The following TRPA1 variants were observed in gnomAD, a reference collection of about 807,000 sequenced individuals.
TRPA1 encodes ankyrin-like with transmembrane domains 1.
A neutral mutation model predicts 131.3 loss-of-function variants in TRPA1; 129 were observed. That is an observed-to-expected ratio of 0.98 (90% CI 0.85 to 1.14). The LOEUF (loss-of-function observed/expected upper bound fraction) is 1.14, where lower values mean the gene tolerates loss of function less well. TRPA1 is among the 50% of genes most tolerant of loss of function. The pLI is 0.00. For missense variants in TRPA1, 1,304 were observed against 1,354.2 expected, an observed-to-expected ratio of 0.96 and a Z score of 0.58; for synonymous variants, 441 against 451.7, an observed-to-expected ratio of 0.98 and a Z score of 0.30.
intron 17 of TRPA1, 127 bp from the exon 18 acceptor site, chr8:72,039,924 T>C (rs1812194053): frequency 4.5e-6 from 3 of 671,968 alleles, no homozygotes; most frequent in South Asian, 1.7e-5. Flanking sequence ...TTTTAGAACA[T>C]TGAAAAAAAT....
Position 72,052,537 on chromosome 8 carries a change from A to G in TRPA1, c.1811+62T>C, listed in dbSNP as rs766874985. The G allele has an allele frequency of 3.5e-5, 56 of 1,598,078 alleles. No homozygotes were observed. In the Admixed American group the frequency reaches 4.5e-4, roughly 13 times the overall value. ...CATTTCTTTTCTCTTATTTTGTCTC[A>G]GACTTCAAATCATCCCAACACCAGA... On this transcript the variant is annotated intron_variant, in intron 14 of 26. Coordinates refer to ENST00000262209, the MANE Select transcript of TRPA1 (RefSeq NM_007332.3).
chr8:72,056,158 C>A, intron 10 of TRPA1: 1 of 401,922 alleles, frequency 2.5e-6, no homozygotes, highest in Non-Finnish European at 4.6e-6. Flanking sequence ...TATATTTGAT[C>A]ATGGCCCTTC....
At position 72,036,405 on chromosome 8, in the gene TRPA1, G is replaced by C; in HGVS notation, c.2438C>G (p.Thr813Arg). 6.2e-7 allele frequency: 1 copy of C among 1,614,106 alleles called. No individual in the cohort carries two copies. Among genetic ancestry groups the C allele is most frequent in the Non-Finnish European group, 8.5e-7 (1 of 1,179,984 alleles). ...ISNVLEWIIY[T>R]TGIIFVLPLF... ...GGGCAGCACAAAAATGATGCCCGTC[G>C]TGTAGATAATCCATTCAAGAACATT... Residue 813 changes from threonine (T) to arginine (R), a missense_variant, in exon 21 of 27, where the codon ACG (threonine) becomes AGG (arginine). Coordinates refer to ENST00000262209, the MANE Select transcript of TRPA1 (RefSeq NM_007332.3).
chr8:72,029,714 C>T (rs978838564), intron 24 of TRPA1, 187 bp downstream of exon 24: 21 of 682,236 alleles, frequency 3.1e-5, no homozygotes, highest in Admixed American at 3.0e-4. Context: ...GCAGTGGCAG[C>T]GAGGAACAGA....
chr8:72,050,337 C>G (rs1331573012), intron 15 of TRPA1, among the ~76,000 whole-genome samples: 3 of 152,000 alleles, frequency 2.0e-5, no homozygotes, highest in Admixed American at 2.0e-4. Flanking sequence ...GAAGGCAGGC[C>G]CAGGTACAAG....
chr8:72,065,609 G>T (rs368397700), intron 3 of TRPA1, 51 bp from the exon 4 acceptor site: 44 of 1,359,654 alleles, frequency 3.2e-5, no homozygotes, highest in Non-Finnish European at 4.5e-5. Flanking sequence ...TTCCAAATAA[G>T]GTACTTGCCT....
At chr8:72,052,370 A>G (rs1805530208) in intron 14 of TRPA1, among the ~76,000 whole-genome samples, 2 of 152,194 alleles carry the variant, frequency 1.3e-5, no homozygotes, top group Admixed American at 6.6e-5. Flanking sequence ...TGCAGTGAAC[A>G]GAGATCACAC....
Position 72,071,858 on chromosome 8 carries a change from CA to C in TRPA1, c.120del (p.Phe40LeufsTer17). 6.2e-7 allele frequency: 1 copy of C among 1,611,616 alleles called. No individual in the cohort carries two copies. Reference protein sequence around the residue: ...EDFKESLKVVFEGSAYGLQNF... With the variant: ...EDFKESLKVVXEGSAYGLQNF... ...TTTTGTAATCCATATGCACTTCCTT[CA>C]AAAACCACCTAGAGGTATTTAAACA... On this transcript the variant is annotated frameshift_variant, in exon 2 of 27. Transcript: ENST00000262209. LOFTEE classifies it high-confidence loss of function.
At chr8:72,083,057 C>G in the TRPA1 span, among the ~76,000 whole-genome samples, 1 of 151,684 alleles carries the variant, frequency 6.6e-6, no homozygotes, top group East Asian at 1.9e-4. Flanking sequence ...TCATTGTTTC[C>G]AAATCTGCTA....
upstream of TRPA1, chr8:72,075,750 C>A (rs1806167079): frequency 1.8e-5 from 7 of 394,692 alleles, no homozygotes; most frequent in Admixed American, 1.8e-4. Flanking sequence ...TGTCCTGCAG[C>A]TGCAGCAGCG....
At chr8:72,037,236 A>T (rs1049842994) in intron 20 of TRPA1, among the ~76,000 whole-genome samples, 3 of 152,172 alleles carry the variant, frequency 2.0e-5, no homozygotes, top group Admixed American at 1.3e-4. Context: ...TATAAATGCA[A>T]ATATCTATGT....
At chr8:72,084,048 G>A in the TRPA1 span, among the ~76,000 whole-genome samples, 1 of 152,036 alleles carries the variant, frequency 6.6e-6, no homozygotes, top group Non-Finnish European at 1.5e-5. Flanking sequence ...ATAGATGAAC[G>A]TATCTGCTTC....
At chr8:72,027,860 G>T (rs1811661415) in intron 24 of TRPA1, among the ~76,000 whole-genome samples, 1 of 152,130 alleles carries the variant, frequency 6.6e-6, no homozygotes, top group Non-Finnish European at 1.5e-5. Flanking sequence ...GAAAATATGG[G>T]GGGTACTAGG....
At chr8:72,070,182 G>C (rs1806026404) in intron 2 of TRPA1, among the ~76,000 whole-genome samples, 1 of 152,162 alleles carries the variant, frequency 6.6e-6, no homozygotes, top group East Asian at 1.9e-4. Flanking sequence ...AGGAGAAAAA[G>C]TATTTGCTCA....
chr8:72,075,526 G>A lies in TRPA1; in HGVS notation c.-117C>T, dbSNP rs1006909685. The A allele has an allele frequency of 1.2e-6, 1 of 839,320 alleles. No individual in the cohort carries two copies. Among genetic ancestry groups the A allele is most frequent in the Non-Finnish European group, 2.0e-6 (1 of 500,852 alleles). The allele number at this position is 839,320 out of a possible 1,614,324, so 52.0% of individuals were successfully genotyped here. On this transcript the variant is annotated 5_prime_UTR_variant, in exon 1 of 27. Transcript: ENST00000262209. Reference sequence around the variant, plus strand: ...GGTCCGCGCGAGCCCGAGCTCTCCCGCGCTGCAGCTCACAGGCAGCGAAAA... The same window carrying A: ...GGTCCGCGCGAGCCCGAGCTCTCCCACGCTGCAGCTCACAGGCAGCGAAAA...
At chr8:72,035,071 T>C (rs1165184828) in intron 21 of TRPA1, among the ~76,000 whole-genome samples, 3 of 152,196 alleles carry the variant, frequency 2.0e-5, no homozygotes, top group Non-Finnish European at 2.9e-5. Flanking sequence ...CCTCACCATC[T>C]CCTTCGGTTT....
At chr8:72,024,229 T>C (rs1811501713) in intron 25 of TRPA1, among the ~76,000 whole-genome samples, 1 of 152,242 alleles carries the variant, frequency 6.6e-6, no homozygotes, top group African/African-American at 2.4e-5. Flanking sequence ...CGGAAGGTGG[T>C]ATTCTATACG....
rs575755866 is a variant in TRPA1, at chr8:72,024,132, A to G, written c.3052-221T>C. ...GAGAAATAAAACATGTACAGATAAA[A>G]CAGAAGAGGAGTAAATTAGGACAGA... is the stretch of plus-strand genomic sequence containing the variant. On this transcript the variant is annotated intron_variant, in intron 25 of 26. Coordinates refer to ENST00000262209, the MANE Select transcript of TRPA1 (RefSeq NM_007332.3). Among the ~76,000 whole-genome samples, 15 of 152,306 alleles carry G rather than the reference A, an allele frequency of 9.8e-5. No individual in the cohort carries two copies. The South Asian group carries it at 3.1e-3, about 32-fold the overall frequency.
At chr8:72,046,243 A>C (rs994538123) in intron 17 of TRPA1, among the ~76,000 whole-genome samples, 1 of 152,074 alleles carries the variant, frequency 6.6e-6, no homozygotes, top group African/African-American at 2.4e-5. Context: ...TAACAAATAA[A>C]GGTTTGAGTC....
Sources: allele counts gnomAD v4.1 joint callset (sites outside exome capture counted in the v4.1 genomes callset), GRCh38; gene constraint gnomAD v4.1.1; transcripts MANE v1.5; gene names NCBI Gene and HGNC (gene_info 2026-07-23, HGNC 2026-07-21).